The following MYO15B variants were observed in gnomAD, a reference collection of about 807,000 sequenced individuals.
The protein encoded by MYO15B is myosin XVB, also known as myosin XVB pseudogene.
MYO15B carries 207 observed loss-of-function variants against 119.3 expected under a neutral mutation model. The ratio of observed to expected loss-of-function variants is 1.73; its 90% CI spans 1.55 to 1.95. The LOEUF (loss-of-function observed/expected upper bound fraction) is 1.95, where lower values mean the gene tolerates loss of function less well. Among genes scored for constraint, MYO15B ranks in the 30% most tolerant of loss-of-function variants. The pLI, the probability that MYO15B is intolerant of heterozygous loss-of-function variation, is 0.00. For missense variants in MYO15B, 2,264 were observed against 1,203.1 expected, an observed-to-expected ratio of 1.88 and a Z score of -13.04; for synonymous variants, 966 against 498.9, an observed-to-expected ratio of 1.94 and a Z score of -12.48.
chr17:75,606,320 GT>G (rs35239184), intron 21 of MYO15B, among the ~76,000 whole-genome samples: 20 of 146,112 alleles, frequency 1.4e-4, no homozygotes, highest in South Asian at 2.2e-4. Flanking sequence ...AACAATCTTT[GT>G]TTTTTTTTTT....
chr17:75,590,947 G>T (rs1415406737), exon 3 of MYO15B: 10 of 545,780 alleles, frequency 1.8e-5, no homozygotes, highest in Non-Finnish European at 2.3e-5. Flanking sequence ...AACCCCCACC[G>T]GTCCTTGCCT....
intron 45 of MYO15B, 100 bp downstream of exon 45, chr17:75,619,576 G>A (rs545388054): frequency 1.8e-5 from 12 of 683,686 alleles, no homozygotes; most frequent in African/African-American, 8.8e-5. Context: ...GGGAGCAGAC[G>A]CCAGGGGAAG....
At chr17:75,616,546 C>T in exon 39 of MYO15B, 1 of 702,818 alleles carries the variant, frequency 1.4e-6, no homozygotes, top group Middle Eastern at 2.3e-4. Flanking sequence ...CTCCTCCCCC[C>T]ATCGTGAAGA....
intron 22 of MYO15B, 146 bp downstream of exon 22, chr17:75,610,405 T>C (rs2057948571): frequency 1.9e-6 from 1 of 530,484 alleles, no homozygotes; most frequent in Non-Finnish European, 3.4e-6. Flanking sequence ...AACTCATCCC[T>C]TTTCCCTCCG....
chr17:75,592,316 T>C lies in MYO15B; in HGVS notation c.2715+15T>C, dbSNP rs1368362791. 1 of 702,834 alleles carries C rather than the reference T, an allele frequency of 1.4e-6. No homozygotes were observed. The highest frequency in any genetic ancestry group is 2.7e-5 in the East Asian group (1 of 37,292). The allele number at this position is 702,834 out of a possible 1,614,324, so 43.5% of individuals were successfully genotyped here. On this transcript the variant is annotated intron_variant, in intron 7 of 63. Transcript: ENST00000645453. ...TGGTGTTTCAGGTAAAGGCAGCCCT[T>C]CTATCCACCCCTGCCCAGTTCCCAG...
intron 9 of MYO15B, among the ~76,000 whole-genome samples, chr17:75,594,191 A>G (rs897910345): frequency 3.3e-5 from 5 of 151,184 alleles, no homozygotes; most frequent in Non-Finnish European, 7.4e-5. Flanking sequence ...AGTTTGCAAG[A>G]CAACCCCCTA....
At chr17:75,614,475 GCCT>G (rs574508653) in intron 30 of MYO15B, 105 bp from the exon 31 acceptor site, 225 of 434,376 alleles carry the variant, frequency 5.2e-4, no homozygotes, top group African/African-American at 3.6e-3. Context: ...CTCCCACCCA[GCCT>G]CCTCCCAACC....
Position 75,589,081 on chromosome 17 carries a change from A to G in MYO15B, c.1024A>G (p.Arg342Gly), listed in dbSNP as rs1202309994. ...GCTGGCGGCCCTCCTGGTGGTCCGC[A>G]GGCTCCTCGCGAGGCCCCCGCCAGG... Residue 342 changes from arginine (R) to glycine (G), a missense_variant, in exon 1 of 64, where the codon AGG (arginine) becomes GGG (glycine). By Grantham distance (125) the Arg-to-Gly change is moderately radical. Coordinates refer to ENST00000645453, the Ensembl canonical transcript of MYO15B. The surrounding 1 kb of genome is among the most constrained non-coding windows in gnomAD (Gnocchi z 4.2). The G allele has an allele frequency of 1.5e-5, 6 of 394,484 alleles. No homozygotes were observed. Among genetic ancestry groups the G allele is most frequent in the Non-Finnish European group, 2.7e-5 (6 of 223,510 alleles). The allele number at this position is 394,484 out of a possible 1,614,324, so 24.4% of individuals were successfully genotyped here.
At chr17:75,606,154 C>T in intron 21 of MYO15B, 133 bp downstream of exon 21, 1 of 579,044 alleles carries the variant, frequency 1.7e-6, no homozygotes, top group Non-Finnish European at 3.1e-6. Flanking sequence ...ATCTCATCGG[C>T]ATGTGACTCT....
chr17:75,605,294 G>A (rs986637208), intron 19 of MYO15B, among the ~76,000 whole-genome samples: 12 of 152,232 alleles, frequency 7.9e-5, no homozygotes, highest in East Asian at 3.9e-4. Flanking sequence ...AAAATTAGCC[G>A]GGTGCGGTGG....
At chr17:75,606,286 C>T (rs2057644658) in intron 21 of MYO15B, among the ~76,000 whole-genome samples, 4 of 151,992 alleles carry the variant, frequency 2.6e-5, no homozygotes, top group Admixed American at 1.3e-4. Flanking sequence ...ATTCTCTTTT[C>T]TGGTCTGTTT....
intron 12 of MYO15B, among the ~76,000 whole-genome samples, chr17:75,596,159 A>G (rs1011506261): frequency 6.6e-6 from 1 of 152,150 alleles, no homozygotes; most frequent in African/African-American, 2.4e-5. Context: ...CTGATAGCCA[A>G]CCTGCTATTT....
At chr17:75,590,334 T>G (rs1253531606) in intron 1 of MYO15B, 91 bp downstream of exon 1, 7 of 398,750 alleles carry the variant, frequency 1.8e-5, no homozygotes, top group African/African-American at 4.1e-5. Context: ...GTGTAGACCC[T>G]TATTGAATCC....
chr17:75,617,234 A>C (rs1568205180), exon 41 of MYO15B: 3 of 693,248 alleles, frequency 4.3e-6, no homozygotes, highest in Non-Finnish European at 7.9e-6. Flanking sequence ...TTGCCCACAC[A>C]CCCCCACCTC....
intron 50 of MYO15B, 83 bp from the exon 51 acceptor site, chr17:75,621,262 T>A (rs956338809): frequency 1.5e-6 from 1 of 661,764 alleles, no homozygotes; most frequent in African/African-American, 1.8e-5. Context: ...TGGGCTGTGC[T>A]CTTAGCACTC....
chr17:75,589,851 G>A lies in MYO15B; in HGVS notation c.1794G>A (p.Gly598=). Residue 598 remains glycine, a synonymous_variant, in exon 1 of 64, where the codon GGG becomes GGA. Transcript: ENST00000645453. This position sits in a 1 kb window ranked among gnomAD's most constrained non-coding sequence, Gnocchi z 4.2. ...GGACGAGTGGGGAAGGGGTGTCCGG[G>A]CTTCGTCGCGGCTCCCTCCTTGCCC... The A allele has an allele frequency of 2.5e-6, 1 of 398,542 alleles. No homozygotes were observed. Among genetic ancestry groups the A allele is most frequent in the Non-Finnish European group, 4.4e-6 (1 of 225,950 alleles). The allele number at this position is 398,542 out of a possible 1,614,324, so 24.7% of individuals were successfully genotyped here.
At chr17:75,588,032 G>A in exon 1 of MYO15B, 2 of 398,468 alleles carry the variant, frequency 5.0e-6, no homozygotes, top group South Asian at 1.3e-4. Flanking sequence ...CTGGGCGTCG[G>A]GAAGCCCGTC....
chr17:75,595,904 G>A (rs963986925), intron 12 of MYO15B, among the ~76,000 whole-genome samples: 17 of 152,210 alleles, frequency 1.1e-4, no homozygotes, highest in Admixed American at 3.9e-4. Flanking sequence ...GTCCCTGGAC[G>A]GGCACTATTC....
At chr17:75,619,552 AAGCAGGAGAGCCGGGG>A in intron 45 of MYO15B, 76 bp downstream of exon 45, 1 of 686,104 alleles carries the variant, frequency 1.5e-6, no homozygotes, top group Admixed American at 2.0e-5. Context: ...CACAGACCAC[AAGCAGGAGAGCCGGGG>A]AGCAGACGCC....
Sources: allele counts gnomAD v4.1 joint callset (sites outside exome capture counted in the v4.1 genomes callset), GRCh38; gene constraint gnomAD v4.1.1; non-coding constraint Gnocchi (gnomAD v3.1); transcripts MANE v1.5; gene names NCBI Gene and HGNC (gene_info 2026-07-23, HGNC 2026-07-21).